PDZD2: variants seen among roughly 807,000 people sequenced by gnomAD.
PDZD2 encodes the protein PDZ domain-containing protein 2.
PDZD2 carries 90 observed loss-of-function variants against 220.7 expected under a neutral mutation model. The ratio of observed to expected loss-of-function variants is 0.41; its 90% CI spans 0.34 to 0.49. The LOEUF (loss-of-function observed/expected upper bound fraction) is 0.49, where lower values mean the gene tolerates loss of function less well. Among genes scored for constraint, PDZD2 ranks in the 20% least tolerant of loss-of-function variants. The pLI, the probability that PDZD2 is intolerant of heterozygous loss-of-function variation, is 0.28. For synonymous variants in PDZD2, 1,375 were observed against 1,450.5 expected (o/e 0.95, Z 1.18); for missense variants, 3,174 against 3,608.5 (o/e 0.88, Z 3.08).
intron 1 of PDZD2, among the ~76,000 whole-genome samples, chr5:31,740,398 G>A (rs1322843001): frequency 3.3e-5 from 5 of 151,310 alleles, no homozygotes; most frequent in Non-Finnish European, 4.4e-5. Context: ...GGTGGCAGGC[G>A]CCTGTAGTCC....
At chr5:32,003,383 ACC>A (rs1561318418) in intron 5 of PDZD2, among the ~76,000 whole-genome samples, 1 of 22,888 alleles carries the variant, frequency 4.4e-5, no homozygotes, top group Non-Finnish European at 1.3e-4. Flanking sequence ...CCACACACAC[ACC>A]CACACACACC....
intron 1 of PDZD2, among the ~76,000 whole-genome samples, chr5:31,659,055 T>C (rs1048118622): frequency 1.3e-5 from 2 of 152,172 alleles, no homozygotes; most frequent in African/African-American, 2.4e-5. Context: ...ATCTTTTCCA[T>C]ACTGACTTTG....
chr5:31,893,081 A>T (rs1466754837), intron 2 of PDZD2, among the ~76,000 whole-genome samples: 3 of 125,564 alleles, frequency 2.4e-5, no homozygotes, highest in East Asian at 4.4e-4. Context: ...AAGAAAGAAT[A>T]TTTTTTTGGA....
intron 2 of PDZD2, among the ~76,000 whole-genome samples, chr5:31,945,914 G>A (rs1458982234): frequency 6.6e-6 from 1 of 152,144 alleles, no homozygotes; most frequent in East Asian, 1.9e-4. Flanking sequence ...GTAGCCCCAA[G>A]AGTGTTCATC....
intron 2 of PDZD2, 127 bp downstream of exon 2, chr5:31,799,851 T>TAAACCCCCTCATCC (rs1289243243): frequency 1.0e-4 from 69 of 675,036 alleles, no homozygotes; most frequent in Non-Finnish European, 1.6e-4. Context: ...ATGTCTCATT[T>TAAACCCCCTCATCC]AAACCCCCTC....
chr5:32,043,958 T>C (rs1737676639), intron 7 of PDZD2, among the ~76,000 whole-genome samples: 1 of 152,160 alleles, frequency 6.6e-6, no homozygotes, highest in Non-Finnish European at 1.5e-5. Flanking sequence ...TTATGTTCAT[T>C]GTCATTTTTA....
intron 1 of PDZD2, chr5:31,725,728 G>A (rs1406154443): frequency 2.3e-6 from 2 of 882,988 alleles, no homozygotes; most frequent in South Asian, 1.3e-5. Flanking sequence ...ATGCAGGCCT[G>A]CAACGTGATT....
At chr5:32,035,630 C>A (rs1216008777) in intron 6 of PDZD2, among the ~76,000 whole-genome samples, 3 of 152,022 alleles carry the variant, frequency 2.0e-5, no homozygotes, top group Non-Finnish European at 4.4e-5. Flanking sequence ...GCCACTGTAC[C>A]CAGCTATATA....
chr5:32,061,447 G>C, intron 14 of PDZD2, among the ~76,000 whole-genome samples: 1 of 152,204 alleles, frequency 6.6e-6, no homozygotes, highest in Admixed American at 6.5e-5. Context: ...AACAGAATCT[G>C]CAAGCCTTGG....
chr5:31,861,113 C>T (rs1371202321), intron 2 of PDZD2, among the ~76,000 whole-genome samples: 2 of 152,128 alleles, frequency 1.3e-5, no homozygotes, highest in Non-Finnish European at 2.9e-5. Context: ...ATAGATGGCC[C>T]TTTTGCTTTC....
intron 1 of PDZD2, among the ~76,000 whole-genome samples, chr5:31,701,015 C>G (rs1263754259): frequency 6.6e-6 from 1 of 152,156 alleles, no homozygotes; most frequent in Non-Finnish European, 1.5e-5. Context: ...CTGGCTGTGC[C>G]CAAGGGGGGA....
At position 31,794,019 on chromosome 5, in the gene PDZD2, G is replaced by A. The variant is rs74393542; in HGVS notation, c.-360-4870G>A. On this transcript the variant is annotated intron_variant, in intron 1 of 24. Coordinates refer to ENST00000438447, the MANE Select transcript of PDZD2 (RefSeq NM_178140.4). ...GCCATATTAGTTTGAAGCAATTTCA[G>A]CCAGTTCTTACAGCTCATGTGCAGG... 6.1e-3 allele frequency among the ~76,000 whole-genome samples: 931 copies of A among 152,180 alleles called. 12 individuals carry two copies. The highest frequency in any genetic ancestry group is 0.021 in the African/African-American group (876 of 41,504).
At chr5:31,897,773 G>GCC (rs1741705938) in intron 2 of PDZD2, among the ~76,000 whole-genome samples, 1 of 149,910 alleles carries the variant, frequency 6.7e-6, no homozygotes, top group African/African-American at 2.5e-5. Context: ...GTCTGTCTCT[G>GCC]TTGTCCAGGC....
chr5:32,109,798 ACAT>A lies in PDZD2; in HGVS notation c.*1670_*1672del, dbSNP rs996785927. The A allele has an allele frequency of 3.9e-5, 6 of 152,590 alleles. No individual in the cohort carries two copies. The highest frequency in any genetic ancestry group is 7.3e-5 in the Non-Finnish European group (5 of 68,046). The allele number at this position is 152,590 out of a possible 1,614,324, so 9.5% of individuals were successfully genotyped here. On this transcript the variant is annotated 3_prime_UTR_variant, in exon 25 of 25. Coordinates refer to ENST00000438447, the MANE Select transcript of PDZD2 (RefSeq NM_178140.4). ...GAGGGGCTTTAGCCATCAGCTTTGT[ACAT>A]CATCATTTTTCTGAATGACCAATCC... is the stretch of plus-strand genomic sequence containing the variant.
intron 2 of PDZD2, among the ~76,000 whole-genome samples, chr5:31,890,310 A>T (rs1740913074): frequency 6.6e-6 from 1 of 152,050 alleles, no homozygotes; most frequent in South Asian, 2.1e-4. Context: ...TTTCATTTTA[A>T]TTAGGTTTAA....
chr5:31,794,304 G>T (rs1753884407), intron 1 of PDZD2, among the ~76,000 whole-genome samples: 2 of 151,198 alleles, frequency 1.3e-5, no homozygotes, highest in Non-Finnish European at 2.9e-5. Flanking sequence ...ACATTGTTTT[G>T]TTCAGGACCC....
At chr5:31,644,696 G>C (rs1338893606) in intron 1 of PDZD2, among the ~76,000 whole-genome samples, 2 of 152,102 alleles carry the variant, frequency 1.3e-5, no homozygotes, top group Admixed American at 6.5e-5. Context: ...TGAAAGTTCT[G>C]GCTGCTCCAT....
intron 24 of PDZD2, among the ~76,000 whole-genome samples, chr5:32,104,733 AAAAAAAAAAAAAACAT>A (rs1744588272): frequency 6.7e-6 from 1 of 149,034 alleles, no homozygotes; most frequent in African/African-American, 2.5e-5. Context: ...AAAAAAAAAA[AAAAAAAAAAAAAACAT>A]ATAAAATGTT....
chr5:31,955,683 C>CTTTTTTTTTTT (rs34964306), intron 2 of PDZD2, among the ~76,000 whole-genome samples: 56 of 116,814 alleles, frequency 4.8e-4, no homozygotes, highest in East Asian at 7.4e-4. Context: ...GGGCTCTGTT[C>CTTTTTTTTTTT]TTTTTTTTTT....
Sources: allele counts gnomAD v4.1 joint callset (sites outside exome capture counted in the v4.1 genomes callset), GRCh38; gene constraint gnomAD v4.1.1; transcripts MANE v1.5; gene names NCBI Gene and HGNC (gene_info 2026-07-23, HGNC 2026-07-21).